ROR2: variants seen among roughly 807,000 people sequenced by gnomAD.
The protein encoded by ROR2 is tyrosine-protein kinase transmembrane receptor ROR2.
Under a neutral mutation model 74.9 loss-of-function variants are expected in ROR2, and 33 were observed. That is an observed-to-expected ratio of 0.44 (90% CI 0.33 to 0.59). The LOEUF (loss-of-function observed/expected upper bound fraction) is 0.59, where lower values mean the gene tolerates loss of function less well. Ranked by LOEUF, ROR2 falls within the 20% of genes least tolerant of loss-of-function variation. The pLI is 0.02. For missense variants in ROR2, 1,216 were observed against 1,313.8 expected (o/e 0.93, Z 1.15); for synonymous variants, 586 against 558.7 (o/e 1.05, Z -0.69).
chr9:91,754,982 C>A (rs552798332), intron 4 of ROR2, among the ~76,000 whole-genome samples: 1 of 152,246 alleles, frequency 6.6e-6, no homozygotes, highest in East Asian at 1.9e-4. Context: ...GAGACCCCAT[C>A]TCTACAAAAA....
intron 1 of ROR2, among the ~76,000 whole-genome samples, chr9:91,913,775 T>A (rs1021302342): frequency 6.6e-6 from 1 of 152,144 alleles, no homozygotes; most frequent in African/African-American, 2.4e-5. Context: ...ATCAAATGCA[T>A]ACAGAAAGTA....
intron 1 of ROR2, among the ~76,000 whole-genome samples, chr9:91,781,264 G>A (rs570150815): frequency 6.6e-6 from 1 of 152,206 alleles, no homozygotes; most frequent in Admixed American, 6.5e-5. Flanking sequence ...CTGCAAACCA[G>A]ACACCCCCTG....
At chr9:91,946,605 A>G (rs1158896398) in intron 1 of ROR2, among the ~76,000 whole-genome samples, 1 of 152,238 alleles carries the variant, frequency 6.6e-6, no homozygotes, top group Non-Finnish European at 1.5e-5. Flanking sequence ...TTGTAGCGTT[A>G]ACTTTCTTTT....
chr9:91,816,563 C>A (rs1437307715), intron 1 of ROR2, among the ~76,000 whole-genome samples: 1 of 152,096 alleles, frequency 6.6e-6, no homozygotes, highest in African/African-American at 2.4e-5. Flanking sequence ...GCAGAAGCCA[C>A]CTCCCCCCGC....
chr9:91,811,970 G>A (rs1210691827), intron 1 of ROR2, among the ~76,000 whole-genome samples: 1 of 151,880 alleles, frequency 6.6e-6, no homozygotes, highest in Admixed American at 6.6e-5. Flanking sequence ...CCAATCTTTT[G>A]GCTTCCTTGG....
chr9:91,930,120 C>T (rs1049246751), intron 1 of ROR2, among the ~76,000 whole-genome samples: 1 of 152,096 alleles, frequency 6.6e-6, no homozygotes, highest in South Asian at 2.1e-4. Context: ...TTTTAAAGCT[C>T]CCCTGAAAAG....
At chr9:91,896,803 C>T (rs1218218988) in intron 1 of ROR2, among the ~76,000 whole-genome samples, 5 of 152,116 alleles carry the variant, frequency 3.3e-5, no homozygotes, top group Non-Finnish European at 5.9e-5. Flanking sequence ...TTTCTTATTA[C>T]TTTCTAATCA....
chr9:91,733,502 C>G lies in ROR2; in HGVS notation c.623-66G>C. On this transcript the variant is annotated intron_variant, in intron 5 of 8. Coordinates refer to ENST00000375708, the MANE Select transcript of ROR2 (RefSeq NM_004560.4). The surrounding 1 kb of genome is among the most constrained non-coding windows in gnomAD (Gnocchi z 5.7). ...TTGCGCCCTTGACATTCATCCAGTCCCCACCCCCAGCCTGGCATCCCAGAC... is the reference window on the plus strand; with the variant it reads ...TTGCGCCCTTGACATTCATCCAGTCGCCACCCCCAGCCTGGCATCCCAGAC... 6.6e-7 allele frequency: 1 copy of G among 1,511,342 alleles called. No individual in the cohort carries two copies. The highest frequency in any genetic ancestry group is 8.9e-7 in the Non-Finnish European group (1 of 1,122,980). The allele number at this position is 1,511,342 out of a possible 1,614,324, so 93.6% of individuals were successfully genotyped here. A position where few individuals can be genotyped will look rare whatever the true frequency, so the allele number is the denominator to read the frequency against.
At chr9:91,924,577 A>G (rs1281022975) in intron 1 of ROR2, among the ~76,000 whole-genome samples, 2 of 152,126 alleles carry the variant, frequency 1.3e-5, no homozygotes, top group Non-Finnish European at 2.9e-5. Context: ...GCGGATCACG[A>G]GGTCAGGAGA....
chr9:91,858,157 G>A (rs1231543963), intron 1 of ROR2, among the ~76,000 whole-genome samples: 2 of 152,202 alleles, frequency 1.3e-5, no homozygotes, highest in East Asian at 3.9e-4. Context: ...CCAAAGACAG[G>A]ACCCCGAGTT....
intron 1 of ROR2, among the ~76,000 whole-genome samples, chr9:91,921,997 T>C (rs909135328): frequency 6.8e-6 from 1 of 147,752 alleles, no homozygotes; most frequent in Non-Finnish European, 1.5e-5. Flanking sequence ...CATGAAAAGA[T>C]GTCATCATTA....
intron 3 of ROR2, among the ~76,000 whole-genome samples, chr9:91,756,591 G>A (rs982439274): frequency 1.3e-5 from 2 of 151,916 alleles, no homozygotes; most frequent in East Asian, 1.9e-4. Flanking sequence ...CTACCTAGCC[G>A]TCCTGCAGTG....
chr9:91,736,416 T>C (rs1825027544), intron 5 of ROR2, among the ~76,000 whole-genome samples: 1 of 152,194 alleles, frequency 6.6e-6, no homozygotes, highest in African/African-American at 2.4e-5. Context: ...GTCAGTGCCC[T>C]GTATCCCCTT....
chr9:91,932,378 A>G (rs1223395936), intron 1 of ROR2, among the ~76,000 whole-genome samples: 1 of 152,216 alleles, frequency 6.6e-6, no homozygotes, highest in Non-Finnish European at 1.5e-5. Context: ...AAAAAAATCA[A>G]AGGAGAACGT....
At chr9:91,895,736 G>A (rs1830520992) in intron 1 of ROR2, among the ~76,000 whole-genome samples, 1 of 152,120 alleles carries the variant, frequency 6.6e-6, no homozygotes, top group Non-Finnish European at 1.5e-5. Flanking sequence ...CCAGCTACTC[G>A]GGAGGCTGAC....
intron 1 of ROR2, among the ~76,000 whole-genome samples, chr9:91,799,507 T>C (rs1827304175): frequency 6.6e-6 from 1 of 152,184 alleles, no homozygotes; most frequent in South Asian, 2.1e-4. Context: ...ATCAACTCTG[T>C]GCTGCACCCT....
intron 4 of ROR2, among the ~76,000 whole-genome samples, chr9:91,753,124 C>T (rs935162369): frequency 1.1e-4 from 16 of 152,104 alleles, no homozygotes; most frequent in Non-Finnish European, 2.1e-4. Context: ...AATCAAACTA[C>T]CATCAGAATC....
chr9:91,810,379 T>C (rs1827709537), intron 1 of ROR2, among the ~76,000 whole-genome samples: 1 of 151,828 alleles, frequency 6.6e-6, no homozygotes. Context: ...CAGAGGCGAG[T>C]TTCAGGCCCG....
intron 1 of ROR2, among the ~76,000 whole-genome samples, chr9:91,860,847 G>A (rs1341476039): frequency 1.3e-5 from 2 of 152,120 alleles, no homozygotes; most frequent in East Asian, 1.9e-4. Flanking sequence ...CACACCCAAA[G>A]GTAATGCTCT....
Sources: allele counts gnomAD v4.1 joint callset (sites outside exome capture counted in the v4.1 genomes callset), GRCh38; gene constraint gnomAD v4.1.1; non-coding constraint Gnocchi (gnomAD v3.1); transcripts MANE v1.5; gene names NCBI Gene and HGNC (gene_info 2026-07-23, HGNC 2026-07-21).